The following MYO16 variants were observed in gnomAD, a reference collection of about 807,000 sequenced individuals.
MYO16 encodes the protein unconventional myosin-XVI.
A neutral mutation model predicts 205.3 loss-of-function variants in MYO16; 94 were observed. The ratio of observed to expected loss-of-function variants is 0.46; its 90% confidence interval spans 0.39 to 0.54. MYO16 has a LOEUF of 0.54. Ranked by LOEUF, MYO16 falls within the 20% of genes least tolerant of loss-of-function variation. The pLI is 0.00. For missense variants in MYO16, 2,315 were observed against 2,387.5 expected, an observed-to-expected ratio of 0.97 and a Z score of 0.63; for synonymous variants, 988 against 954.0, an observed-to-expected ratio of 1.04 and a Z score of -0.66.
In MYO16 at chr13:108,753,445, C is replaced by T. The variant is rs79964587; in HGVS notation, c.507+25862C>T. On this transcript the variant is annotated intron_variant, in intron 4 of 34. Transcript: ENST00000457511. ...GGAAGGATTATATGTTTTTTGTATT[C>T]GTTAAAAGGAGTCTGTCTCTTTATG... 8.6e-3 allele frequency among the ~76,000 whole-genome samples: 1,259 copies of T among 145,896 alleles called. 13 individuals are homozygous for T. The highest frequency in any genetic ancestry group is 0.029 in the Middle Eastern group (8 of 276).
At chr13:109,144,816 G>A (rs1877256165) in intron 32 of MYO16, among the ~76,000 whole-genome samples, 1 of 152,206 alleles carries the variant, frequency 6.6e-6, no homozygotes, top group Non-Finnish European at 1.5e-5. Flanking sequence ...AAACTGCTCA[G>A]TAATTCACTG....
chr13:108,929,181 A>C (rs1222357125), intron 16 of MYO16, among the ~76,000 whole-genome samples: 2 of 152,250 alleles, frequency 1.3e-5, no homozygotes, highest in Non-Finnish European at 2.9e-5. Flanking sequence ...TGAAGGAGCC[A>C]AACTCAGGAA....
intron 1 of MYO16, among the ~76,000 whole-genome samples, chr13:108,636,033 G>A (rs891878696): frequency 3.3e-5 from 5 of 150,734 alleles, no homozygotes; most frequent in Non-Finnish European, 7.4e-5. Context: ...TGTGATTTAA[G>A]GTAAGAGTTA....
intron 5 of MYO16, among the ~76,000 whole-genome samples, chr13:108,790,207 C>G (rs1239610769): frequency 6.6e-6 from 1 of 152,168 alleles, no homozygotes; most frequent in Non-Finnish European, 1.5e-5. Flanking sequence ...CTAATATCAT[C>G]AGAGAAAAGG....
At chr13:108,924,224 G>A (rs138496050) in intron 16 of MYO16, among the ~76,000 whole-genome samples, 1 of 152,328 alleles carries the variant, frequency 6.6e-6, no homozygotes, top group East Asian at 1.9e-4. Flanking sequence ...AGATATTGTA[G>A]CCATGTAAAT....
At chr13:109,201,781 C>G (rs932863281) in intron 34 of MYO16, among the ~76,000 whole-genome samples, 1 of 151,996 alleles carries the variant, frequency 6.6e-6, no homozygotes, top group African/African-American at 2.4e-5. Flanking sequence ...TCCCAAAGTC[C>G]ATTCTGTCAT....
chr13:108,672,690 A>G (rs1460647538), intron 2 of MYO16, among the ~76,000 whole-genome samples: 1 of 152,162 alleles, frequency 6.6e-6, no homozygotes, highest in Non-Finnish European at 1.5e-5. Context: ...TAAAAGGAAA[A>G]CTGTCCTAAA....
chr13:108,965,463 C>A (rs987476928), intron 20 of MYO16, among the ~76,000 whole-genome samples: 1 of 152,162 alleles, frequency 6.6e-6, no homozygotes, highest in South Asian at 2.1e-4. Context: ...CGGGAGTGCA[C>A]GGGCACAATC....
chr13:109,158,696 A>G (rs1402822275), intron 32 of MYO16, among the ~76,000 whole-genome samples: 2 of 151,978 alleles, frequency 1.3e-5, no homozygotes, highest in African/African-American at 2.4e-5. Flanking sequence ...CCAGAGATTG[A>G]AGCATATGCA....
At chr13:108,565,337 G>A in the MYO16 span, among the ~76,000 whole-genome samples, 2 of 151,914 alleles carry the variant, frequency 1.3e-5, no homozygotes, top group Non-Finnish European at 2.9e-5. Flanking sequence ...TAATTTTTTT[G>A]TCCTCTTCAG....
intron 13 of MYO16, among the ~76,000 whole-genome samples, chr13:108,888,098 T>C (rs981669509): frequency 1.3e-5 from 2 of 152,188 alleles, no homozygotes; most frequent in African/African-American, 4.8e-5. Flanking sequence ...TTGTGTCATA[T>C]TCATTTGTAA....
intron 16 of MYO16, among the ~76,000 whole-genome samples, chr13:108,954,880 C>G (rs569741393): frequency 2.6e-5 from 4 of 152,196 alleles, no homozygotes; most frequent in African/African-American, 9.7e-5. Flanking sequence ...CAAACCCCAG[C>G]TTGCTCACCC....
intron 6 of MYO16, among the ~76,000 whole-genome samples, chr13:108,802,230 A>G (rs768802404): frequency 1.3e-5 from 2 of 151,634 alleles, no homozygotes; most frequent in African/African-American, 2.4e-5. Flanking sequence ...TCGACCAACA[A>G]CTCTTCATTT....
At chr13:108,985,983 A>G (rs992989804) in intron 20 of MYO16, among the ~76,000 whole-genome samples, 3 of 152,212 alleles carry the variant, frequency 2.0e-5, no homozygotes, top group African/African-American at 7.2e-5. Context: ...ACAGTTCCAC[A>G]TGGCTAGGGA....
intron 17 of MYO16, among the ~76,000 whole-genome samples, chr13:108,960,680 A>G (rs1031666107): frequency 1.2e-4 from 19 of 152,354 alleles, no homozygotes; most frequent in African/African-American, 4.3e-4. Context: ...AGAACAGAAC[A>G]GGCTATGCCA....
At chr13:108,683,259 A>G (rs967921317) in intron 2 of MYO16, among the ~76,000 whole-genome samples, 2 of 152,120 alleles carry the variant, frequency 1.3e-5, no homozygotes, top group African/African-American at 4.8e-5. Context: ...AGCAACTCAG[A>G]TGTGAGATTA....
intron 4 of MYO16, among the ~76,000 whole-genome samples, chr13:108,755,552 G>T (rs1420308925): frequency 9.6e-6 from 1 of 104,180 alleles, no homozygotes; most frequent in African/African-American, 3.8e-5. Context: ...TCTTCAAATT[G>T]CAAAAAAAAA....
chr13:108,509,851 C>T, the MYO16 span, among the ~76,000 whole-genome samples: 1 of 152,058 alleles, frequency 6.6e-6, no homozygotes. Flanking sequence ...ACTTTTCTTG[C>T]ATCATGGACT....
intron 4 of MYO16, among the ~76,000 whole-genome samples, chr13:108,784,845 T>C (rs1424518086): frequency 2.0e-5 from 3 of 152,178 alleles, no homozygotes; most frequent in Admixed American, 6.5e-5. Flanking sequence ...ATGTTAGCCA[T>C]GCCTGATACA....
Sources: gnomAD v4.1 joint callset for allele counts (sites outside exome capture counted in the v4.1 genomes callset) on GRCh38, gnomAD v4.1.1 for gene constraint, MANE v1.5 for transcripts, NCBI Gene and HGNC (gene_info 2026-07-23, HGNC 2026-07-21) for gene names.